Variants in PDE8B observed in about 807,000 individuals in gnomAD.
The protein encoded by PDE8B is phosphodiesterase 8B, also known as high affinity cAMP-specific and IBMX-insensitive 3',5'-cyclic phosphodiesterase 8B.
In PDE8B, 26 loss-of-function variants were observed where a neutral mutation model predicts 101.3. The ratio of observed to expected loss-of-function variants is 0.26; its 90% CI spans 0.19 to 0.36. The LOEUF (loss-of-function observed/expected upper bound fraction) is 0.36, where lower values mean the gene tolerates loss of function less well. PDE8B is among the 10% of genes least tolerant of loss of function. The probability of loss-of-function intolerance (pLI) is 1.00; values close to 1 mark genes in which losing one functional copy is unlikely to be tolerated. For synonymous variants in PDE8B, 424 were observed against 429.3 expected (o/e 0.99, Z 0.15); for missense variants, 810 against 1,163.1 (o/e 0.70, Z 4.42).
chr5:77,324,216 A>G (rs1251363433), intron 2 of PDE8B, among the ~76,000 whole-genome samples: 1 of 152,152 alleles, frequency 6.6e-6, no homozygotes, highest in African/African-American at 2.4e-5. Flanking sequence ...TATTAGATCT[A>G]TTGCTGGGAG....
At chr5:77,402,645 C>T (rs969816272) in intron 11 of PDE8B, among the ~76,000 whole-genome samples, 1 of 152,142 alleles carries the variant, frequency 6.6e-6, no homozygotes, top group Non-Finnish European at 1.5e-5. Flanking sequence ...TAATTAATAG[C>T]CCCCATATAC....
chr5:77,311,416 G>A (rs763516062), intron 1 of PDE8B, among the ~76,000 whole-genome samples: 4 of 152,166 alleles, frequency 2.6e-5, no homozygotes, highest in Non-Finnish European at 5.9e-5. Flanking sequence ...CAGTTTATTT[G>A]TGGAACTACA....
At chr5:77,253,363 TG>T (rs1758464171) in intron 1 of PDE8B, among the ~76,000 whole-genome samples, 1 of 152,206 alleles carries the variant, frequency 6.6e-6, no homozygotes, top group Non-Finnish European at 1.5e-5. Flanking sequence ...AGGTGCTATT[TG>T]CTGCTGTTGT....
rs1216437443 is a variant in PDE8B, at chr5:77,211,733, T to G, written c.339+469T>G. On this transcript the variant is annotated intron_variant, in intron 1 of 21. Coordinates refer to ENST00000264917, the MANE Select transcript of PDE8B (RefSeq NM_003719.5). This position sits in a 1 kb window ranked among gnomAD's most constrained non-coding sequence, Gnocchi z 4.1. ...CCCATATTCCGATTTTTACCTGGGATTACCAGCCAGGCTGGAGTCTCAGCA... is the reference window on the plus strand; with the variant it reads ...CCCATATTCCGATTTTTACCTGGGAGTACCAGCCAGGCTGGAGTCTCAGCA... Among the ~76,000 whole-genome samples the G allele has an allele frequency of 1.3e-5, 2 of 152,202 alleles. No homozygotes were observed. The highest frequency in any genetic ancestry group is 2.9e-5 in the Non-Finnish European group (2 of 68,026).
intron 1 of PDE8B, among the ~76,000 whole-genome samples, chr5:77,260,312 A>T (rs1324082487): frequency 1.3e-5 from 2 of 152,212 alleles, no homozygotes; most frequent in Non-Finnish European, 2.9e-5. Flanking sequence ...CTGCACCATT[A>T]AACATATTTT....
intron 10 of PDE8B, among the ~76,000 whole-genome samples, chr5:77,354,751 C>T (rs184743574): frequency 2.6e-5 from 4 of 152,294 alleles, no homozygotes; most frequent in East Asian, 1.9e-4. Context: ...AGCCTTGCTC[C>T]TCTTCCTTAC....
At chr5:77,285,767 C>CT (rs11429258) in intron 1 of PDE8B, among the ~76,000 whole-genome samples, 96,692 of 151,898 alleles carry the variant, frequency 0.64, 32,871 homozygotes, top group East Asian at 0.88. Context: ...CCCTAGGTCT[C>CT]TGTTTATTTT....
chr5:77,090,752 C>CGT, the PDE8B span, among the ~76,000 whole-genome samples: 2,099 of 150,144 alleles, frequency 0.014, 41 homozygotes, highest in African/African-American at 0.045. Flanking sequence ...GAATAATATC[C>CGT]GTGTGTGTGT....
the PDE8B span, among the ~76,000 whole-genome samples, chr5:77,131,686 G>A: frequency 1.3e-5 from 2 of 152,048 alleles, no homozygotes; most frequent in African/African-American, 4.8e-5. Context: ...ATATGAATTG[G>A]GTACAAAATT....
intron 21 of PDE8B, 32 bp downstream of exon 21, chr5:77,425,928 A>C: frequency 6.3e-7 from 1 of 1,599,076 alleles, no homozygotes; most frequent in Non-Finnish European, 8.6e-7. Context: ...CACCCAAAGA[A>C]AATTGTTATA....
chr5:77,246,675 G>C (rs1447496521), intron 1 of PDE8B: 1 of 152,236 alleles, frequency 6.6e-6, no homozygotes, highest in East Asian at 1.9e-4. Context: ...AGTTGTGACA[G>C]AGACCAAATG....
At chr5:77,154,316 A>G in the PDE8B span, among the ~76,000 whole-genome samples, 1 of 152,168 alleles carries the variant, frequency 6.6e-6, no homozygotes. Context: ...TTCCTTTTCT[A>G]GATGTGAGTT....
chr5:77,291,564 A>G (rs1240778613), intron 1 of PDE8B: 2 of 1,599,742 alleles, frequency 1.3e-6, no homozygotes, highest in Non-Finnish European at 8.6e-7. Flanking sequence ...TAGCAACTTT[A>G]CCAAAGATCT....
At chr5:77,296,397 G>A (rs368650343) in intron 1 of PDE8B, among the ~76,000 whole-genome samples, 49 of 152,116 alleles carry the variant, frequency 3.2e-4, no homozygotes, top group African/African-American at 8.9e-4. Context: ...GAGTAGCTGG[G>A]ACTACAGATA....
At chr5:77,185,574 T>C in the PDE8B span, among the ~76,000 whole-genome samples, 1 of 152,190 alleles carries the variant, frequency 6.6e-6, no homozygotes, top group South Asian at 2.1e-4. Context: ...AGAATTGTGT[T>C]GAACACAATT....
Position 77,425,860 on chromosome 5 carries a change from G to A in PDE8B, c.2512G>A (p.Asp838Asn). 1.2e-6 allele frequency: 2 copies of A among 1,613,648 alleles called. No individual in the cohort carries two copies. Among genetic ancestry groups the A allele is most frequent in the Non-Finnish European group, 1.7e-6 (2 of 1,179,584 alleles). ...CCCCAAGTCTCAGATCTCTTTCATTGACTACTTCATAACAGACATGTTTGA... is the reference window on the plus strand; with the variant it reads ...CCCCAAGTCTCAGATCTCTTTCATTAACTACTTCATAACAGACATGTTTGA... ...SIPKSQISFI[D>N]YFITDMFDAW... Residue 838 changes from aspartate to asparagine, a missense_variant, in exon 21 of 22, where the codon GAC (aspartate) becomes AAC (asparagine). By Grantham distance (23) the Asp-to-Asn change is conservative. Transcript: ENST00000264917.
At position 77,374,491 on chromosome 5, in the gene PDE8B, T is replaced by A. The variant is rs186394076; in HGVS notation, c.1167+21085T>A. Among the ~76,000 whole-genome samples the A allele has an allele frequency of 3.1e-3, 476 of 152,292 alleles. 1 individual carries two copies. The highest frequency in any genetic ancestry group is 0.011 in the African/African-American group (457 of 41,564). ...CGATTTTTAAAAGCCATTTTATTTA[T>A]CCATTGGTTTTTTAGTTAAATCTCT... On this transcript the variant is annotated intron_variant, in intron 10 of 21. Coordinates refer to ENST00000264917, the MANE Select transcript of PDE8B (RefSeq NM_003719.5).
chr5:77,289,336 T>G (rs80142260), intron 1 of PDE8B, among the ~76,000 whole-genome samples: 3,259 of 152,344 alleles, frequency 0.021, 127 homozygotes, highest in African/African-American at 0.074. Flanking sequence ...TTATCTGCTG[T>G]TCTCTTAAGC....
rs138121683 is a variant in PDE8B at position 77,421,592 on chromosome 5, C to CTGTG, written c.2251-219_2251-216dup. ...GACAGGGACTTTCAACTTTCAAACT[C>CTGTG]TGTGTGTGTGTGTATTGCTGAGTGT... is the stretch of plus-strand genomic sequence containing the variant. On this transcript the variant is annotated intron_variant, in intron 19 of 21. Coordinates refer to ENST00000264917, the MANE Select transcript of PDE8B (RefSeq NM_003719.5). Among the ~76,000 whole-genome samples, 277 of 151,628 alleles carry CTGTG rather than the reference C, an allele frequency of 1.8e-3. 3 individuals are homozygous for CTGTG. The highest frequency in any genetic ancestry group is 5.7e-3 in the African/African-American group (235 of 41,362).
Sources: gnomAD v4.1 joint callset for allele counts (sites outside exome capture counted in the v4.1 genomes callset) on GRCh38, gnomAD v4.1.1 for gene constraint, Gnocchi (gnomAD v3.1) non-coding constraint, MANE v1.5 for transcripts, NCBI Gene and HGNC (gene_info 2026-07-23, HGNC 2026-07-21) for gene names.